MMP26: variants seen among roughly 807,000 people sequenced by gnomAD.
MMP26 encodes the protein matrix metallopeptidase 26.
MMP26 carries 33 observed loss-of-function variants against 31.0 expected under a neutral mutation model. The observed-to-expected ratio is 1.06, with a 90% CI of 0.81 to 1.42. MMP26 has a LOEUF of 1.42. Among genes scored for constraint, MMP26 ranks in the 40% most tolerant of loss-of-function variants. MMP26 has a pLI of 0.00. For missense variants in MMP26, 347 were observed against 316.1 expected, an observed-to-expected ratio of 1.10 and a Z score of -0.74; for synonymous variants, 122 against 114.9, an observed-to-expected ratio of 1.06 and a Z score of -0.40.
chr11:4,828,125 T>C (rs1312280710), intron 2 of MMP26, among the ~76,000 whole-genome samples: 1 of 152,188 alleles, frequency 6.6e-6, no homozygotes, highest in Non-Finnish European at 1.5e-5. Flanking sequence ...TTTTTCTGAA[T>C]GTGAAAAATC....
chr11:4,774,027 T>C (rs1848760221), intron 2 of MMP26, among the ~76,000 whole-genome samples: 1 of 152,244 alleles, frequency 6.6e-6, no homozygotes, highest in Admixed American at 6.5e-5. Context: ...ATTTTCTTTA[T>C]CCAGTCTATC....
At chr11:4,812,086 T>A (rs1849357306) in intron 2 of MMP26, among the ~76,000 whole-genome samples, 1 of 152,164 alleles carries the variant, frequency 6.6e-6, no homozygotes, top group Non-Finnish European at 1.5e-5. Flanking sequence ...GTCACGCCAA[T>A]CTGCAATTGC....
chr11:4,876,221 A>C (rs1243295904), intron 2 of MMP26: 3 of 152,168 alleles, frequency 2.0e-5, no homozygotes, highest in Non-Finnish European at 4.4e-5. Context: ...ACAATGTCAA[A>C]TTCTTCCCTA....
chr11:4,768,581 C>G (rs1848661364), intron 2 of MMP26, among the ~76,000 whole-genome samples: 1 of 152,114 alleles, frequency 6.6e-6, no homozygotes, highest in Admixed American at 6.5e-5. Flanking sequence ...ATTCACATGG[C>G]CTTTGGGGGC....
chr11:4,861,882 A>G (rs1674895905), intron 2 of MMP26, among the ~76,000 whole-genome samples: 1 of 152,134 alleles, frequency 6.6e-6, no homozygotes, highest in African/African-American at 2.4e-5. Context: ...CAATGTACTT[A>G]GAAGAAAGCT....
chr11:4,908,689 T>C (rs1256410211), intron 2 of MMP26: 8 of 270,960 alleles, frequency 3.0e-5, no homozygotes, highest in Non-Finnish European at 7.1e-6. Flanking sequence ...AAAGGTAAAA[T>C]AGCTATGAAG....
chr11:4,968,648 G>T (rs1347715838), intron 2 of MMP26, among the ~76,000 whole-genome samples: 4 of 151,644 alleles, frequency 2.6e-5, no homozygotes, highest in Non-Finnish European at 5.9e-5. Context: ...TTACTAAAAA[G>T]GTATAGAAAA....
chr11:4,946,660 C>A, intron 2 of MMP26: 1 of 1,591,662 alleles, frequency 6.3e-7, no homozygotes, highest in Non-Finnish European at 8.6e-7. Flanking sequence ...AGAATACTAT[C>A]CCTATTTGGG....
intron 2 of MMP26, among the ~76,000 whole-genome samples, chr11:4,799,232 C>T (rs1849148969): frequency 6.6e-6 from 1 of 152,090 alleles, no homozygotes; most frequent in African/African-American, 2.4e-5. Flanking sequence ...ACTTAATTGG[C>T]TCAGGCTGCA....
At chr11:4,892,012 C>A (rs1315914745) in intron 2 of MMP26, among the ~76,000 whole-genome samples, 2 of 151,886 alleles carry the variant, frequency 1.3e-5, no homozygotes, top group Non-Finnish European at 2.9e-5. Flanking sequence ...ATATCAGAGA[C>A]AATGAGGCTG....
chr11:4,840,305 T>C (rs997064204), intron 2 of MMP26, among the ~76,000 whole-genome samples: 5 of 152,202 alleles, frequency 3.3e-5, no homozygotes, highest in African/African-American at 7.2e-5. Flanking sequence ...CTACAGATTG[T>C]GGAGCCCCAT....
chr11:4,723,299 G>C, intron 1 of MMP26: 1 of 1,010,662 alleles, frequency 9.9e-7, no homozygotes, highest in Admixed American at 1.7e-5. Context: ...TCATCCTCCT[G>C]CTTCCCAGCC....
intron 2 of MMP26, among the ~76,000 whole-genome samples, chr11:4,901,149 C>CTTTTTTTTTTTTT: frequency 1.2e-5 from 1 of 84,518 alleles, no homozygotes; most frequent in Non-Finnish European, 2.2e-5. Flanking sequence ...CCTCTTTGTG[C>CTTTTTTTTTTTTT]TTTTTTTTTT....
chr11:4,738,869 G>A (rs11033630), intron 1 of MMP26, among the ~76,000 whole-genome samples: 26,437 of 151,932 alleles, frequency 0.17, 2,777 homozygotes, highest in African/African-American at 0.3. Context: ...GCCTTTTAAG[G>A]AAATAATTTT....
At chr11:4,937,932 T>A (rs1016255071) in intron 2 of MMP26, 2 of 152,200 alleles carry the variant, frequency 1.3e-5, no homozygotes, top group Non-Finnish European at 2.9e-5. Context: ...ACCAGTCAAA[T>A]GCCATTACAG....
At chr11:4,768,104 A>G (rs1848655369) in intron 2 of MMP26, among the ~76,000 whole-genome samples, 2 of 152,210 alleles carry the variant, frequency 1.3e-5, no homozygotes, top group Admixed American at 1.3e-4. Flanking sequence ...AAATAATGTG[A>G]GTATGTTTAT....
chr11:4,715,072 C>T (rs561580890), intron 1 of MMP26, among the ~76,000 whole-genome samples: 19 of 152,028 alleles, frequency 1.2e-4, no homozygotes, highest in African/African-American at 4.1e-4. Flanking sequence ...GTGTTGAGGT[C>T]CTGAGATGTG....
At chr11:4,855,593 T>G (rs1462708234) in intron 2 of MMP26, among the ~76,000 whole-genome samples, 1 of 152,176 alleles carries the variant, frequency 6.6e-6, no homozygotes, top group East Asian at 1.9e-4. Flanking sequence ...AATCTACGTC[T>G]GATTGGTGTA....
Position 4,953,667 on chromosome 11 carries a change from G to A in MMP26, c.-144-34401G>A, listed in dbSNP as rs1237741806. Among the ~76,000 whole-genome samples, 3 of 125,886 alleles carry A rather than the reference G, an allele frequency of 2.4e-5. 1 individual carries two copies. Among genetic ancestry groups the A allele is most frequent in the Non-Finnish European group, 3.6e-5 (2 of 55,486 alleles). The allele number at this position is 125,886 out of a possible 152,430, so 82.6% of individuals were successfully genotyped here. A position where few individuals can be genotyped will look rare whatever the true frequency, so the allele number is the denominator to read the frequency against. On this transcript the variant is annotated intron_variant, in intron 2 of 7. Coordinates refer to ENST00000380390, the MANE Select transcript of MMP26 (RefSeq NM_021801.5). ...AAAAGAGCTCTGTAAATTCAAAAAC[G>A]ATTCAGTAGGTCAATGTGGCTGGAG...
Sources: allele counts gnomAD v4.1 joint callset (sites outside exome capture counted in the v4.1 genomes callset), GRCh38; gene constraint gnomAD v4.1.1; transcripts MANE v1.5; gene names NCBI Gene and HGNC (gene_info 2026-07-23, HGNC 2026-07-21).